Variants in CACHD1 observed in about 807,000 individuals in gnomAD.
CACHD1 encodes cache domain containing 1, also known as VWFA and cache domain-containing protein 1.
Under a neutral mutation model 138.7 loss-of-function variants are expected in CACHD1, and 71 were observed. The ratio of observed to expected loss-of-function variants is 0.51; its 90% CI spans 0.42 to 0.62. CACHD1 has a LOEUF of 0.62. CACHD1 is among the 20% of genes least tolerant of loss of function. The pLI is 0.00. For missense variants in CACHD1, 1,389 were observed against 1,625.3 expected, an observed-to-expected ratio of 0.85 and a Z score of 2.50; for synonymous variants, 578 against 591.5, an observed-to-expected ratio of 0.98 and a Z score of 0.33.
At chr1:64,676,014 A>G in intron 21 of CACHD1, 31 bp downstream of exon 21, 1 of 436,160 alleles carries the variant, frequency 2.3e-6, no homozygotes, top group Non-Finnish European at 3.0e-6. Flanking sequence ...AATAATAATA[A>G]TAATAATAAT....
chr1:64,629,879 G>A (rs779220312), intron 5 of CACHD1, among the ~76,000 whole-genome samples: 1 of 152,024 alleles, frequency 6.6e-6, no homozygotes, highest in Non-Finnish European at 1.5e-5. Context: ...CCCTTTCTAT[G>A]ATGACATGCT....
rs142746554 is a variant in CACHD1, at chr1:64,609,251, T to A, written c.517+6339T>A. On this transcript the variant is annotated intron_variant, in intron 4 of 26. Transcript: ENST00000651257. ...AAAAGTTATCCTGGTAACAATTCAA[T>A]GAAAAGGCCATGTTCTACCTGAAAT... Among the ~76,000 whole-genome samples, 391 of 152,290 alleles carry A rather than the reference T, an allele frequency of 2.6e-3. 2 individuals carry two copies. Among genetic ancestry groups the A allele is most frequent in the African/African-American group, 9.0e-3 (375 of 41,566 alleles).
intron 1 of CACHD1, among the ~76,000 whole-genome samples, chr1:64,501,449 T>C (rs1646339612): frequency 6.6e-6 from 1 of 152,242 alleles, no homozygotes; most frequent in Non-Finnish European, 1.5e-5. Context: ...AGCTGTATTC[T>C]TGGATTTATT....
chr1:64,570,898 C>G (rs1646922622), intron 2 of CACHD1, among the ~76,000 whole-genome samples: 1 of 151,910 alleles, frequency 6.6e-6, no homozygotes, highest in African/African-American at 2.4e-5. Context: ...TTACTGTTGG[C>G]TTAAAAAATT....
At chr1:64,684,612 GAAGA>G (rs1164659469) in intron 26 of CACHD1, among the ~76,000 whole-genome samples, 1 of 151,804 alleles carries the variant, frequency 6.6e-6, no homozygotes, top group Non-Finnish European at 1.5e-5. Flanking sequence ...GTTTATTATT[GAAGA>G]AAGAAAAAAG....
At chr1:64,666,697 C>T (rs1428835450) in intron 16 of CACHD1, among the ~76,000 whole-genome samples, 1 of 151,720 alleles carries the variant, frequency 6.6e-6, no homozygotes, top group Non-Finnish European at 1.5e-5. Context: ...AGCAACATAG[C>T]GAGACCCTGG....
intron 4 of CACHD1, among the ~76,000 whole-genome samples, chr1:64,604,924 T>C (rs942162235): frequency 1.3e-5 from 2 of 151,186 alleles, no homozygotes; most frequent in African/African-American, 4.9e-5. Context: ...GTACTGGGAT[T>C]ACAGGCATGA....
At chr1:64,505,399 G>A (rs569125337) in intron 1 of CACHD1, among the ~76,000 whole-genome samples, 1 of 152,188 alleles carries the variant, frequency 6.6e-6, no homozygotes, top group Non-Finnish European at 1.5e-5. Context: ...GGGAGGGGAG[G>A]GGACATTCCT....
At chr1:64,598,586 T>C (rs879157844) in intron 3 of CACHD1, among the ~76,000 whole-genome samples, 15 of 152,054 alleles carry the variant, frequency 9.9e-5, no homozygotes, top group African/African-American at 3.4e-4. Context: ...TACAGTCCCA[T>C]TGGGGGAAGC....
At chr1:64,665,909 G>T (rs570482735) in intron 15 of CACHD1, 148 bp from the exon 16 acceptor site, 30 of 401,772 alleles carry the variant, frequency 7.5e-5, no homozygotes, top group African/African-American at 5.4e-4. Context: ...AGAGGCTGAG[G>T]CAGGAGAATG....
intron 1 of CACHD1, among the ~76,000 whole-genome samples, chr1:64,526,435 TAATAAG>T (rs1646539498): frequency 6.6e-6 from 1 of 151,790 alleles, no homozygotes; most frequent in African/African-American, 2.4e-5. Flanking sequence ...CAAAAATGGG[TAATAAG>T]AATAACAACG....
chr1:64,634,031 TTC>T lies in CACHD1; in HGVS notation c.790-11_790-10del. 1.9e-6 allele frequency: 3 copies of T among 1,575,920 alleles called. No individual in the cohort carries two copies. The highest frequency in any genetic ancestry group is 1.9e-5 in the Admixed American group (1 of 52,522). On this transcript the variant is annotated splice_polypyrimidine_tract_variant and intron_variant, in intron 6 of 26. Transcript: ENST00000651257. ...ACAAGTTTGGTGGTTTTTTTTTTTTTTCTTTCCTGCAGATTTCTGTGTTAACT... is the reference window on the plus strand; with the variant it reads ...ACAAGTTTGGTGGTTTTTTTTTTTTTTTTCCTGCAGATTTCTGTGTTAACT...
intron 20 of CACHD1, 56 bp from the exon 21 acceptor site, chr1:64,675,841 A>G: frequency 8.6e-7 from 1 of 1,168,780 alleles, no homozygotes; most frequent in South Asian, 1.5e-5. Context: ...CAGCACATGT[A>G]CAACTTACAG....
At chr1:64,492,900 C>A (rs1646286431) in intron 1 of CACHD1, among the ~76,000 whole-genome samples, 1 of 152,154 alleles carries the variant, frequency 6.6e-6, no homozygotes, top group South Asian at 2.1e-4. Context: ...GCTTGGGTTG[C>A]CCTTGTGAGA....
chr1:64,580,238 T>C (rs1018512053), intron 2 of CACHD1, among the ~76,000 whole-genome samples: 8 of 152,162 alleles, frequency 5.3e-5, no homozygotes, highest in African/African-American at 1.9e-4. Context: ...GGATTTTTTT[T>C]CCCTGATAAG....
chr1:64,562,642 C>T (rs1395051930), intron 2 of CACHD1, among the ~76,000 whole-genome samples: 2 of 148,274 alleles, frequency 1.3e-5, no homozygotes, highest in African/African-American at 2.5e-5. Context: ...AAGATGGTGT[C>T]GATCTCCTGA....
chr1:64,582,801 C>T lies in CACHD1; in HGVS notation c.410+497C>T, dbSNP rs75855099. Reference sequence around the variant, plus strand: ...ATTGAGGATATTTTTATTTATTGGCCTAGTGATACTTATATCTGGAGGGGT... The same window carrying T: ...ATTGAGGATATTTTTATTTATTGGCTTAGTGATACTTATATCTGGAGGGGT... On this transcript the variant is annotated intron_variant, in intron 3 of 26. Transcript: ENST00000651257. Among the ~76,000 whole-genome samples the T allele has an allele frequency of 6.0e-3, 919 of 152,166 alleles. 6 individuals carry two copies. The highest frequency in any genetic ancestry group is 9.1e-3 in the Non-Finnish European group (616 of 67,994).
At chr1:64,557,506 C>T (rs898641898) in intron 2 of CACHD1, among the ~76,000 whole-genome samples, 1 of 152,136 alleles carries the variant, frequency 6.6e-6, no homozygotes, top group African/African-American at 2.4e-5. Flanking sequence ...ACTGAGAGAA[C>T]TCCTTATACA....
chr1:64,527,006 G>A (rs543646294), intron 1 of CACHD1, among the ~76,000 whole-genome samples: 18 of 152,326 alleles, frequency 1.2e-4, no homozygotes, highest in Admixed American at 2.6e-4. Context: ...GATCTGTAGC[G>A]AGCAGTTCGG....
Sources: allele counts gnomAD v4.1 joint callset (sites outside exome capture counted in the v4.1 genomes callset), GRCh38; gene constraint gnomAD v4.1.1; transcripts MANE v1.5; gene names NCBI Gene and HGNC (gene_info 2026-07-23, HGNC 2026-07-21).